TMEM178B: variants seen among roughly 807,000 people sequenced by gnomAD.
TMEM178B encodes transmembrane protein 178B.
TMEM178B carries 5 observed loss-of-function variants against 31.0 expected under a neutral mutation model. That is an observed-to-expected ratio of 0.16 (90% CI 0.08 to 0.34). The LOEUF (loss-of-function observed/expected upper bound fraction) is 0.34, where lower values mean the gene tolerates loss of function less well. Ranked by LOEUF, TMEM178B falls within the 10% of genes least tolerant of loss-of-function variation. The probability of loss-of-function intolerance (pLI) is 1.00; values close to 1 mark genes in which losing one functional copy is unlikely to be tolerated. For synonymous variants in TMEM178B, 164 were observed against 164.0 expected (o/e 1.00, Z 0.00); for missense variants, 275 against 400.3 (o/e 0.69, Z 2.67).
intron 2 of TMEM178B, among the ~76,000 whole-genome samples, chr7:141,435,416 A>G (rs990583670): frequency 2.6e-5 from 4 of 152,202 alleles, no homozygotes; most frequent in African/African-American, 9.7e-5. Flanking sequence ...GTAGTAGAGT[A>G]TCCCATTTCC....
intron 3 of TMEM178B, among the ~76,000 whole-genome samples, chr7:141,469,702 C>T (rs144502583): frequency 2.0e-5 from 3 of 152,276 alleles, no homozygotes; most frequent in South Asian, 4.1e-4. Flanking sequence ...ACACCAAAAA[C>T]TTGTTGTATT....
chr7:141,447,404 G>A (rs1586966710), intron 3 of TMEM178B, among the ~76,000 whole-genome samples: 1 of 152,092 alleles, frequency 6.6e-6, no homozygotes, highest in Non-Finnish European at 1.5e-5. Context: ...AGAGGACTGA[G>A]CCTGTTGGGT....
chr7:141,437,824 C>T (rs1450799154), intron 3 of TMEM178B, 79 bp downstream of exon 3: 3 of 1,515,776 alleles, frequency 2.0e-6, no homozygotes, highest in African/African-American at 2.7e-5. Context: ...GGCCAGAGGG[C>T]ACAGCAGAGG....
At chr7:141,281,233 A>C (rs1416642893) in intron 2 of TMEM178B, among the ~76,000 whole-genome samples, 1 of 152,216 alleles carries the variant, frequency 6.6e-6, no homozygotes, top group South Asian at 2.1e-4. Flanking sequence ...ATTAAAAAGA[A>C]AATCACGGAG....
intron 2 of TMEM178B, among the ~76,000 whole-genome samples, chr7:141,334,250 C>A (rs1201005002): frequency 6.6e-6 from 1 of 152,176 alleles, no homozygotes; most frequent in African/African-American, 2.4e-5. Context: ...GTGTTCGAGT[C>A]CTGTCTCAGC....
chr7:141,231,045 T>A (rs1406101396), intron 2 of TMEM178B, among the ~76,000 whole-genome samples: 1 of 152,144 alleles, frequency 6.6e-6, no homozygotes, highest in Non-Finnish European at 1.5e-5. Context: ...CTAAGTGATG[T>A]TCAGAAAGGA....
intron 1 of TMEM178B, among the ~76,000 whole-genome samples, chr7:141,149,597 T>G (rs1409355928): frequency 6.6e-6 from 1 of 152,128 alleles, no homozygotes; most frequent in Non-Finnish European, 1.5e-5. Flanking sequence ...GATGAGGTCA[T>G]ACTGGATTAG....
At chr7:141,281,982 G>T (rs1393128897) in intron 2 of TMEM178B, among the ~76,000 whole-genome samples, 1 of 152,232 alleles carries the variant, frequency 6.6e-6, no homozygotes, top group African/African-American at 2.4e-5. Flanking sequence ...TGACCATTTT[G>T]CTGGTAGAGT....
intron 3 of TMEM178B, among the ~76,000 whole-genome samples, chr7:141,443,885 C>T (rs758807135): frequency 6.6e-6 from 1 of 152,186 alleles, no homozygotes; most frequent in Non-Finnish European, 1.5e-5. Flanking sequence ...TTATCTTACA[C>T]TTTGGGTTTA....
At chr7:141,217,568 G>C in intron 2 of TMEM178B, among the ~76,000 whole-genome samples, 1 of 152,260 alleles carries the variant, frequency 6.6e-6, no homozygotes, top group South Asian at 2.1e-4. Context: ...CCATTGGAAG[G>C]TATTAGCTTT....
chr7:141,422,096 A>T lies in TMEM178B; in HGVS notation c.497-15512A>T, dbSNP rs1207314797. On this transcript the variant is annotated intron_variant, in intron 2 of 3. Transcript: ENST00000565468. This position sits in a 1 kb window ranked among gnomAD's most constrained non-coding sequence, Gnocchi z 4.2. Reference sequence around the variant, plus strand: ...TTAGAAACCTGCAATACGGAAAGAGATCTGTTCAGCTTCTTTATTTTTACG... The same window carrying T: ...TTAGAAACCTGCAATACGGAAAGAGTTCTGTTCAGCTTCTTTATTTTTACG... 6.6e-6 allele frequency among the ~76,000 whole-genome samples: 1 copy of T among 152,064 alleles called. No homozygotes were observed. The highest frequency in any genetic ancestry group is 1.5e-5 in the Non-Finnish European group (1 of 68,026).
chr7:141,306,067 A>G (rs989107978), intron 2 of TMEM178B, among the ~76,000 whole-genome samples: 1 of 152,204 alleles, frequency 6.6e-6, no homozygotes, highest in Non-Finnish European at 1.5e-5. Context: ...TGCTTTATAC[A>G]TAGTAGATGC....
At chr7:141,486,071 A>G in the TMEM178B span, among the ~76,000 whole-genome samples, 1 of 152,248 alleles carries the variant, frequency 6.6e-6, no homozygotes, top group East Asian at 1.9e-4. Context: ...ATTCAGCCAT[A>G]AAAAGAATGA....
chr7:141,340,568 G>A (rs764956627), intron 2 of TMEM178B, among the ~76,000 whole-genome samples: 5 of 152,184 alleles, frequency 3.3e-5, no homozygotes, highest in Non-Finnish European at 5.9e-5. Flanking sequence ...AAGAGATATT[G>A]TGTGCTCCTC....
the TMEM178B span, among the ~76,000 whole-genome samples, chr7:141,494,212 C>T: frequency 6.6e-6 from 1 of 152,180 alleles, no homozygotes; most frequent in Non-Finnish European, 1.5e-5. Flanking sequence ...CCTGACTCTG[C>T]CATTTCTCTT....
At chr7:141,194,990 C>T (rs1381889225) in intron 1 of TMEM178B, among the ~76,000 whole-genome samples, 1 of 152,232 alleles carries the variant, frequency 6.6e-6, no homozygotes, top group Non-Finnish European at 1.5e-5. Flanking sequence ...GTGGCTGGGA[C>T]ACAGGGCACC....
At chr7:141,333,295 C>A (rs986806934) in intron 2 of TMEM178B, among the ~76,000 whole-genome samples, 1 of 152,220 alleles carries the variant, frequency 6.6e-6, no homozygotes, top group African/African-American at 2.4e-5. Context: ...CTCTTCACTT[C>A]CCCAGCATCA....
chr7:141,083,029 A>G (rs767132892), intron 1 of TMEM178B, among the ~76,000 whole-genome samples: 3 of 152,158 alleles, frequency 2.0e-5, no homozygotes, highest in Non-Finnish European at 4.4e-5. Flanking sequence ...GCTATTAGTA[A>G]GTAATCCTAG....
In TMEM178B at chr7:141,453,156, C is replaced by T. The variant is rs145405246; in HGVS notation, c.634+15411C>T. Reference sequence around the variant, plus strand: ...ACCTCACTTTGTTCCATTTTGATGGCATTTGCCTCATTGTGAGTGTCTTGG... The same window carrying T: ...ACCTCACTTTGTTCCATTTTGATGGTATTTGCCTCATTGTGAGTGTCTTGG... On this transcript the variant is annotated intron_variant, in intron 3 of 3. Transcript: ENST00000565468. Among the ~76,000 whole-genome samples, 767 of 152,372 alleles carry T rather than the reference C, an allele frequency of 5.0e-3. 11 individuals are homozygous for T. Among genetic ancestry groups the T allele is most frequent in the African/African-American group, 0.018 (736 of 41,588 alleles).
Sources: gnomAD v4.1 joint callset for allele counts (sites outside exome capture counted in the v4.1 genomes callset) on GRCh38, gnomAD v4.1.1 for gene constraint, Gnocchi (gnomAD v3.1) non-coding constraint, MANE v1.5 for transcripts, NCBI Gene and HGNC (gene_info 2026-07-23, HGNC 2026-07-21) for gene names.